LARGE1: variants seen among roughly 807,000 people sequenced by gnomAD.
LARGE1 encodes the protein LARGE xylosyl- and glucuronyltransferase 1.
LARGE1 carries 43 observed loss-of-function variants against 87.6 expected under a neutral mutation model. The observed-to-expected ratio is 0.49, with a 90% CI of 0.38 to 0.63. The LOEUF (loss-of-function observed/expected upper bound fraction) is 0.63. LARGE1 is among the 30% of genes least tolerant of loss of function. LARGE1 has a pLI of 0.00. For synonymous variants in LARGE1, 434 were observed against 394.6 expected (o/e 1.10, Z -1.18); for missense variants, 802 against 1,000.2 (o/e 0.80, Z 2.67).
chr22:33,506,867 C>CT (rs2070789809), intron 6 of LARGE1, among the ~76,000 whole-genome samples: 1 of 152,168 alleles, frequency 6.6e-6, no homozygotes, highest in Non-Finnish European at 1.5e-5. Context: ...CGCCATTGTA[C>CT]TCCAGCCTGG....
intron 11 of LARGE1, among the ~76,000 whole-genome samples, chr22:33,193,530 G>A (rs1044646362): frequency 2.6e-5 from 4 of 152,124 alleles, no homozygotes; most frequent in Non-Finnish European, 5.9e-5. Context: ...TATGGATGTC[G>A]GCCGGGCACG....
intron 7 of LARGE1, among the ~76,000 whole-genome samples, chr22:33,397,136 A>G (rs1406732268): frequency 2.0e-5 from 3 of 151,742 alleles, no homozygotes; most frequent in Non-Finnish European, 4.4e-5. Context: ...TTTTTTTGAG[A>G]TGGAGTTTCG....
intron 11 of LARGE1, among the ~76,000 whole-genome samples, chr22:33,312,866 G>A (rs1366680670): frequency 6.6e-6 from 1 of 152,212 alleles, no homozygotes; most frequent in Non-Finnish European, 1.5e-5. Flanking sequence ...TGGAGGAGAA[G>A]GAAACACATA....
At chr22:33,342,514 G>A (rs76831506) in intron 9 of LARGE1, among the ~76,000 whole-genome samples, 12,475 of 152,240 alleles carry the variant, frequency 0.082, 1,310 homozygotes, top group African/African-American at 0.25. Flanking sequence ...AGTCAACTCT[G>A]AAGCCCAAAC....
intron 11 of LARGE1, among the ~76,000 whole-genome samples, chr22:33,265,489 C>T (rs1927885039): frequency 6.6e-6 from 1 of 152,040 alleles, no homozygotes; most frequent in Admixed American, 6.6e-5. Flanking sequence ...ATAATTTTTT[C>T]CTTACTAGGT....
At chr22:33,354,739 T>G (rs975431955) in intron 9 of LARGE1, among the ~76,000 whole-genome samples, 1 of 152,232 alleles carries the variant, frequency 6.6e-6, no homozygotes, top group Non-Finnish European at 1.5e-5. Flanking sequence ...GCCAATGATG[T>G]ACTTTTTTTC....
chr22:33,435,611 G>C (rs1396929301), intron 6 of LARGE1, among the ~76,000 whole-genome samples: 1 of 152,126 alleles, frequency 6.6e-6, no homozygotes, highest in Admixed American at 6.5e-5. Flanking sequence ...CCGCTCCCCT[G>C]TATGGAAAAC....
chr22:33,364,930 A>G (rs2064531747), intron 9 of LARGE1, among the ~76,000 whole-genome samples: 1 of 151,984 alleles, frequency 6.6e-6, no homozygotes, highest in Admixed American at 6.6e-5. Context: ...TCCTGGGCTC[A>G]AGCAATCCAC....
rs1173130801 is a variant in LARGE1 at position 33,333,009 on chromosome 22, T to C, written c.1287+4637A>G. Among the ~76,000 whole-genome samples the C allele has an allele frequency of 2.8e-5, 4 of 144,628 alleles. No individual in the cohort carries two copies. The East Asian group carries it at 7.8e-4, about 28-fold the overall frequency. The allele number at this position is 144,628 out of a possible 152,430, so 94.9% of individuals were successfully genotyped here. On this transcript the variant is annotated intron_variant, in intron 10 of 14. Coordinates refer to ENST00000397394, the MANE Select transcript of LARGE1 (RefSeq NM_133642.5). ...CATGTTTTTGCCTGGGATGGGGCAA[T>C]GTCCTTTTTTTTTTTTGGACGGAGT...
the LARGE1 span, among the ~76,000 whole-genome samples, chr22:33,113,537 A>G: frequency 6.6e-6 from 1 of 152,290 alleles, no homozygotes; most frequent in Non-Finnish European, 1.5e-5. Flanking sequence ...ACTTGTGTGC[A>G]TATTATCACT....
chr22:33,740,219 G>C (rs1601485855), intron 2 of LARGE1, among the ~76,000 whole-genome samples: 1 of 152,264 alleles, frequency 6.6e-6, no homozygotes, highest in South Asian at 2.1e-4. Flanking sequence ...AGCCCAGGAG[G>C]CATCTTCTTC....
chr22:33,484,488 T>C (rs1438003404), intron 6 of LARGE1, among the ~76,000 whole-genome samples: 3 of 152,164 alleles, frequency 2.0e-5, no homozygotes, highest in Non-Finnish European at 4.4e-5. Context: ...AGTTTCTGCA[T>C]CTTAAAGTGA....
intron 1 of LARGE1, among the ~76,000 whole-genome samples, chr22:33,878,349 G>A (rs1366358138): frequency 2.0e-5 from 3 of 151,474 alleles, no homozygotes; most frequent in African/African-American, 2.4e-5. Context: ...CAGGCTGGTC[G>A]CAAACTCCTG....
At position 33,517,483 on chromosome 22, in the gene LARGE1, G is replaced by A. The variant is rs969502406; in HGVS notation, c.787+47365C>T. Among the ~76,000 whole-genome samples, 39 of 152,112 alleles carry A rather than the reference G, an allele frequency of 2.6e-4. 2 individuals are homozygous for A. The highest frequency in any genetic ancestry group is 1.4e-3 in the Admixed American group (22 of 15,260). Reference sequence around the variant, plus strand: ...CAATCTTGGCTCACTGGGTTCAAGCGCGATTCTCCTGCCTCAGCCTCCCGA... The same window carrying A: ...CAATCTTGGCTCACTGGGTTCAAGCACGATTCTCCTGCCTCAGCCTCCCGA... On this transcript the variant is annotated intron_variant, in intron 6 of 14. Transcript: ENST00000397394.
intron 5 of LARGE1, among the ~76,000 whole-genome samples, chr22:33,582,011 C>T (rs1426755815): frequency 6.6e-6 from 1 of 152,180 alleles, no homozygotes; most frequent in Non-Finnish European, 1.5e-5. Flanking sequence ...CCTTCACAGT[C>T]AGCACCTGCC....
At chr22:33,093,384 G>A in the LARGE1 span, among the ~76,000 whole-genome samples, 1 of 152,148 alleles carries the variant, frequency 6.6e-6, no homozygotes, top group African/African-American at 2.4e-5. Flanking sequence ...ACATGCATGG[G>A]GAAAACCACA....
intron 2 of LARGE1, among the ~76,000 whole-genome samples, chr22:33,722,209 C>CTGT: frequency 6.7e-6 from 1 of 148,840 alleles, no homozygotes; most frequent in African/African-American, 2.5e-5. Context: ...GCCGAGATCA[C>CTGT]GCCACTGCCC....
rs866532801 is a variant in LARGE1, at chr22:33,273,087, C to G, written c.*1340G>C. On this transcript the variant is annotated 3_prime_UTR_variant, in exon 15 of 15. Coordinates refer to ENST00000397394, the MANE Select transcript of LARGE1 (RefSeq NM_133642.5). ...GAGTGGGAGGGGAATGGGGAAGAAA[C>G]AGTCTGTACTTTCATTTATTAAATG... The G allele has an allele frequency of 1.2e-5, 3 of 240,070 alleles. No individual in the cohort carries two copies. Among genetic ancestry groups the G allele is most frequent in the African/African-American group, 4.5e-5 (2 of 44,552 alleles). The allele number at this position is 240,070 out of a possible 1,614,324, so 14.9% of individuals were successfully genotyped here.
intron 6 of LARGE1, among the ~76,000 whole-genome samples, chr22:33,454,991 T>C (rs1305385887): frequency 2.0e-5 from 3 of 152,146 alleles, no homozygotes; most frequent in Non-Finnish European, 4.4e-5. Context: ...ATCCAAACCA[T>C]AGCAAGGTAC....
Sources: gnomAD v4.1 joint callset for allele counts (sites outside exome capture counted in the v4.1 genomes callset) on GRCh38, gnomAD v4.1.1 for gene constraint, MANE v1.5 for transcripts, NCBI Gene and HGNC (gene_info 2026-07-23, HGNC 2026-07-21) for gene names.